SLC35F4: variants seen among roughly 807,000 people sequenced by gnomAD.
SLC35F4 encodes solute carrier family 35 member F4.
Under a neutral mutation model 44.2 loss-of-function variants are expected in SLC35F4, and 24 were observed. That is an observed-to-expected ratio of 0.54 (90% CI 0.39 to 0.76). SLC35F4 has a LOEUF of 0.76. Among genes scored for constraint, SLC35F4 ranks in the 30% least tolerant of loss-of-function variants. The probability of loss-of-function intolerance (pLI) is 0.00; values close to 1 mark genes in which losing one functional copy is unlikely to be tolerated. For synonymous variants in SLC35F4, 238 were observed against 223.6 expected, an observed-to-expected ratio of 1.06 and a Z score of -0.57; for missense variants, 562 against 586.1, an observed-to-expected ratio of 0.96 and a Z score of 0.42.
chr14:57,933,807 A>G (rs976477157), intron 1 of SLC35F4, among the ~76,000 whole-genome samples: 2 of 152,254 alleles, frequency 1.3e-5, no homozygotes, highest in Non-Finnish European at 2.9e-5. Context: ...CATTAAGTGC[A>G]AAGAATAAAA....
At position 57,865,902 on chromosome 14, in the gene SLC35F4, C is replaced by G. The variant is rs912982152; in HGVS notation, c.-77G>C. ...GGGGCCCGGGAGCTGGTGCAGGTGC[C>G]GGAGCCGCTGGTGCTGATCTTGCAG... On this transcript the variant is annotated 5_prime_UTR_variant, in exon 1 of 8. Transcript: ENST00000556826. 9.6e-7 allele frequency: 1 copy of G among 1,041,810 alleles called. No individual in the cohort carries two copies. The highest frequency in any genetic ancestry group is 1.6e-5 in the South Asian group (1 of 61,442). 64.5% of individuals were successfully genotyped at this position (1,041,810 alleles called of 1,614,324 possible).
chr14:57,740,496 G>C (rs562427239), intron 1 of SLC35F4, among the ~76,000 whole-genome samples: 140 of 152,294 alleles, frequency 9.2e-4, no homozygotes, highest in African/African-American at 3.2e-3. Context: ...AGGCTGGGAA[G>C]GTTATGGGGG....
chr14:57,692,842 A>G (rs17725485), intron 1 of SLC35F4, among the ~76,000 whole-genome samples: 68,781 of 151,800 alleles, frequency 0.45, 15,928 homozygotes, highest in African/African-American at 0.56. Context: ...ATTTTTCCAT[A>G]TTATTTGTGT....
chr14:57,713,482 G>A (rs1054305619), intron 1 of SLC35F4, among the ~76,000 whole-genome samples: 1 of 152,072 alleles, frequency 6.6e-6, no homozygotes, highest in Admixed American at 6.6e-5. Context: ...CACTATGCTA[G>A]TTCACACCTT....
intron 1 of SLC35F4, among the ~76,000 whole-genome samples, chr14:57,599,769 T>C (rs1367337915): frequency 5.1e-5 from 7 of 136,294 alleles, no homozygotes; most frequent in Non-Finnish European, 1.1e-4. Context: ...GCCATTGCAC[T>C]CCAGCCTGGG....
intron 1 of SLC35F4, among the ~76,000 whole-genome samples, chr14:57,626,644 A>G (rs898440385): frequency 1.5e-4 from 23 of 152,232 alleles, no homozygotes; most frequent in African/African-American, 5.1e-4. Flanking sequence ...ACTCGATAGC[A>G]CGCAGTAATT....
At chr14:57,956,302 A>G (rs1566514242) in intron 1 of SLC35F4, among the ~76,000 whole-genome samples, 1 of 152,264 alleles carries the variant, frequency 6.6e-6, no homozygotes, top group Non-Finnish European at 1.5e-5. Flanking sequence ...AAGATGGATT[A>G]AAGACTTAAA....
rs182140700 is a variant in SLC35F4 at position 57,650,447 on chromosome 14, T to A, written c.104-56323A>T. On this transcript the variant is annotated intron_variant, in intron 1 of 7. Transcript: ENST00000556826. ...TTAGTATTCTTCTCCCACACCCCTGTCATCTAATTCATTAGCAAGTTCTAC... is the reference window on the plus strand; with the variant it reads ...TTAGTATTCTTCTCCCACACCCCTGACATCTAATTCATTAGCAAGTTCTAC... Among the ~76,000 whole-genome samples, 17 of 152,230 alleles carry A rather than the reference T, an allele frequency of 1.1e-4. No individual in the cohort carries two copies. In the East Asian group the frequency reaches 2.9e-3, roughly 26 times the overall value.
chr14:57,609,298 A>ATAGAAGAAAATGT (rs1156232611), intron 1 of SLC35F4, among the ~76,000 whole-genome samples: 1 of 152,198 alleles, frequency 6.6e-6, no homozygotes, highest in Non-Finnish European at 1.5e-5. Context: ...TTGTAATTTA[A>ATAGAAGAAAATGT]TAGAAGAAAA....
chr14:57,588,158 C>G (rs1213469680), intron 3 of SLC35F4, among the ~76,000 whole-genome samples: 1 of 152,130 alleles, frequency 6.6e-6, no homozygotes. Flanking sequence ...CAGAGCAAGA[C>G]TCTGTCTCAA....
At chr14:57,838,114 C>T (rs1595178843) in intron 1 of SLC35F4, among the ~76,000 whole-genome samples, 2 of 152,130 alleles carry the variant, frequency 1.3e-5, no homozygotes, top group East Asian at 3.9e-4. Context: ...AACACAGAGG[C>T]CAGTGGAGAA....
intron 1 of SLC35F4, among the ~76,000 whole-genome samples, chr14:57,695,604 T>C (rs537814659): frequency 1.3e-5 from 2 of 151,824 alleles, no homozygotes; most frequent in African/African-American, 4.8e-5. Flanking sequence ...ATTGTGGAAG[T>C]CAGTGTGGCG....
At chr14:57,913,692 T>C (rs1889260782) in intron 1 of SLC35F4, among the ~76,000 whole-genome samples, 2 of 152,188 alleles carry the variant, frequency 1.3e-5, no homozygotes, top group Non-Finnish European at 2.9e-5. Context: ...TACACTGCTA[T>C]TTTAAACAAA....
At chr14:57,692,054 T>A (rs755975192) in intron 1 of SLC35F4, among the ~76,000 whole-genome samples, 1 of 152,126 alleles carries the variant, frequency 6.6e-6, no homozygotes, top group Admixed American at 6.6e-5. Context: ...GAAAACTAGA[T>A]TGTGATGAGA....
At chr14:57,581,113 A>G in intron 4 of SLC35F4, 101 bp downstream of exon 4, 1 of 1,252,690 alleles carries the variant, frequency 8.0e-7, no homozygotes, top group Non-Finnish European at 1.1e-6. Flanking sequence ...AAGTGAGAAA[A>G]GTTTTACAGC....
At chr14:57,770,130 G>A (rs867609342) in intron 1 of SLC35F4, among the ~76,000 whole-genome samples, 2 of 152,158 alleles carry the variant, frequency 1.3e-5, no homozygotes, top group African/African-American at 2.4e-5. Flanking sequence ...GGATCAGTGA[G>A]ATGGAAGCTG....
intron 1 of SLC35F4, among the ~76,000 whole-genome samples, chr14:57,654,744 G>C (rs1237823380): frequency 6.6e-6 from 1 of 152,138 alleles, no homozygotes; most frequent in Non-Finnish European, 1.5e-5. Context: ...ACATCCATGA[G>C]CATGGCCTTA....
intron 3 of SLC35F4, among the ~76,000 whole-genome samples, chr14:57,582,275 A>G (rs2139821310): frequency 6.6e-6 from 1 of 152,164 alleles, no homozygotes; most frequent in Non-Finnish European, 1.5e-5. Context: ...GGCTCACTGC[A>G]ACCTCCGCCT....
chr14:57,866,966 TAATAATAATAATAATA>T (rs1888181950), upstream of SLC35F4, among the ~76,000 whole-genome samples: 5 of 113,710 alleles, frequency 4.4e-5, no homozygotes, highest in Admixed American at 8.1e-5. Context: ...CAAATAATAA[TAATAATAATAATAATA>T]ATAATAATAA....
Sources: gnomAD v4.1 joint callset for allele counts (sites outside exome capture counted in the v4.1 genomes callset) on GRCh38, gnomAD v4.1.1 for gene constraint, MANE v1.5 for transcripts, NCBI Gene and HGNC (gene_info 2026-07-23, HGNC 2026-07-21) for gene names.